The following SLC38A9 variants were observed in gnomAD, a reference collection of about 807,000 sequenced individuals.
SLC38A9 encodes solute carrier family 38 member 9.
Under a neutral mutation model 62.3 loss-of-function variants are expected in SLC38A9, and 48 were observed. The observed-to-expected ratio is 0.77, with a 90% confidence interval of 0.61 to 0.98. SLC38A9 has a LOEUF of 0.98. Ranked by LOEUF, SLC38A9 falls within the 50% of genes least tolerant of loss-of-function variation. SLC38A9 has a pLI of 0.00. For missense variants in SLC38A9, 541 were observed against 679.8 expected, an observed-to-expected ratio of 0.80 and a Z score of 2.27; for synonymous variants, 204 against 227.7, an observed-to-expected ratio of 0.90 and a Z score of 0.94.
At chr5:55,705,710 CTT>C (rs35776949) in intron 2 of SLC38A9, among the ~76,000 whole-genome samples, 245 of 141,130 alleles carry the variant, frequency 1.7e-3, no homozygotes, top group Admixed American at 1.5e-3. Context: ...GCCTTAAACT[CTT>C]TTTTTTTTTT....
intron 2 of SLC38A9, among the ~76,000 whole-genome samples, chr5:55,701,730 T>A (rs1756674321): frequency 6.6e-6 from 1 of 152,190 alleles, no homozygotes; most frequent in Non-Finnish European, 1.5e-5. Flanking sequence ...ATAAATAGGT[T>A]TTAACATGTA....
chr5:55,694,284 C>T, intron 3 of SLC38A9: 1 of 179,964 alleles, frequency 5.6e-6, no homozygotes, highest in South Asian at 1.1e-4. Flanking sequence ...CAGGTAACTG[C>T]CATCCGTGGT....
intron 2 of SLC38A9, among the ~76,000 whole-genome samples, chr5:55,705,439 C>A (rs201475847): frequency 0.012 from 1,450 of 125,110 alleles, no homozygotes; most frequent in Non-Finnish European, 0.016. Context: ...CTTCATATTA[C>A]AAAAAAAAAA....
intron 9 of SLC38A9, among the ~76,000 whole-genome samples, chr5:55,655,310 T>C (rs1431691264): frequency 6.6e-6 from 1 of 152,206 alleles, no homozygotes; most frequent in Non-Finnish European, 1.5e-5. Context: ...ACTGTGATAT[T>C]AATATTTATT....
At chr5:55,670,386 T>G (rs1561380436) in intron 4 of SLC38A9, among the ~76,000 whole-genome samples, 1 of 152,098 alleles carries the variant, frequency 6.6e-6, no homozygotes, top group African/African-American at 2.4e-5. Context: ...AAACCCAAAA[T>G]AATTTTGGAA....
intron 3 of SLC38A9, among the ~76,000 whole-genome samples, chr5:55,676,444 T>C (rs1259957883): frequency 6.6e-6 from 1 of 152,148 alleles, no homozygotes; most frequent in African/African-American, 2.4e-5. Context: ...TCCCAAAGTG[T>C]TGGGATTAAA....
intron 14 of SLC38A9, among the ~76,000 whole-genome samples, chr5:55,629,008 A>T (rs1431318461): frequency 1.3e-5 from 2 of 152,088 alleles, no homozygotes; most frequent in Non-Finnish European, 2.9e-5. Context: ...ATAAGTGGTT[A>T]GTCATATACC....
chr5:55,696,782 G>C (rs1346897317), intron 3 of SLC38A9: 4 of 154,748 alleles, frequency 2.6e-5, no homozygotes, highest in Admixed American at 6.7e-5. Context: ...GCTGCCGGGT[G>C]GAGAGGCTCC....
intron 15 of SLC38A9, among the ~76,000 whole-genome samples, chr5:55,627,163 C>T (rs1742585768): frequency 6.6e-6 from 1 of 152,164 alleles, no homozygotes; most frequent in South Asian, 2.1e-4. Context: ...TTTCTCTATA[C>T]TTGGGTTTTC....
rs898248982 is a variant in SLC38A9 at position 55,679,415 on chromosome 5, G to A, written c.114-6720C>T. ...AACTTGACCTGAAAATTAATTCTCC[G>A]GCCCATGTATTTTATTACAGATTCT... On this transcript the variant is annotated intron_variant, in intron 3 of 15. Coordinates refer to ENST00000396865, the MANE Select transcript of SLC38A9 (RefSeq NM_173514.4). Among the ~76,000 whole-genome samples, 12 of 151,782 alleles carry A rather than the reference G, an allele frequency of 7.9e-5. No homozygotes were observed. The South Asian group carries it at 1.9e-3, about 24-fold the overall frequency.
chr5:55,701,871 G>A (rs997216959), intron 2 of SLC38A9, among the ~76,000 whole-genome samples: 5 of 152,142 alleles, frequency 3.3e-5, no homozygotes, highest in East Asian at 3.8e-4. Flanking sequence ...AATTAAAAAC[G>A]AGGCAGTCTA....
At chr5:55,692,716 GC>G in intron 3 of SLC38A9, 10 of 985,060 alleles carry the variant, frequency 1.0e-5, no homozygotes, top group Non-Finnish European at 1.2e-5. Context: ...TTGAACTCCT[GC>G]CAACTTACTG....
chr5:55,687,065 G>GTTTTTTTTTTTTTTTTTTTTT (rs56912932), intron 3 of SLC38A9, among the ~76,000 whole-genome samples: 1 of 125,706 alleles, frequency 8.0e-6, no homozygotes, highest in African/African-American at 3.2e-5. Context: ...CTCCAGCTTT[G>GTTTTTTTTTTTTTTTTTTTTT]TTTTTTTTTT....
chr5:55,678,138 G>GTTGTT (rs1752440405), intron 3 of SLC38A9, among the ~76,000 whole-genome samples: 1 of 129,444 alleles, frequency 7.7e-6, no homozygotes, highest in Non-Finnish European at 1.6e-5. Context: ...AAGGTTACTG[G>GTTGTT]TTTTTTTTTC....
intron 3 of SLC38A9, among the ~76,000 whole-genome samples, chr5:55,678,572 G>C (rs1219782298): frequency 6.6e-6 from 1 of 150,972 alleles, no homozygotes; most frequent in Non-Finnish European, 1.5e-5. Flanking sequence ...ATGATATTAT[G>C]GAGGATGAAA....
chr5:55,711,807 G>C (rs149673299), intron 1 of SLC38A9, among the ~76,000 whole-genome samples: 1 of 152,292 alleles, frequency 6.6e-6, no homozygotes, highest in Non-Finnish European at 1.5e-5. Context: ...CCTATCTCAA[G>C]AGAGAGAAAG....
chr5:55,665,613 T>C (rs1750340661), intron 7 of SLC38A9, among the ~76,000 whole-genome samples: 1 of 151,004 alleles, frequency 6.6e-6, no homozygotes, highest in Non-Finnish European at 1.5e-5. Context: ...AAACATAATG[T>C]AGAAATAGAA....
intron 3 of SLC38A9, chr5:55,692,704 G>C: frequency 2.0e-6 from 2 of 984,898 alleles, no homozygotes; most frequent in South Asian, 9.4e-5. Flanking sequence ...ACAGAGAACT[G>C]TTTGAACTCC....
intron 8 of SLC38A9, among the ~76,000 whole-genome samples, chr5:55,657,490 G>GTTT (rs34646167): frequency 0.55 from 80,897 of 147,216 alleles, 22,925 homozygotes; most frequent in South Asian, 0.65. Flanking sequence ...GAAAATCAAA[G>GTTT]TTTTTTTTTT....
Sources: gnomAD v4.1 joint callset for allele counts (sites outside exome capture counted in the v4.1 genomes callset) on GRCh38, gnomAD v4.1.1 for gene constraint, MANE v1.5 for transcripts, NCBI Gene and HGNC (gene_info 2026-07-23, HGNC 2026-07-21) for gene names.